The following ARID1B variants were observed in gnomAD, a reference collection of about 807,000 sequenced individuals.
ARID1B encodes AT-rich interactive domain-containing protein 1B.
A neutral mutation model predicts 212.3 loss-of-function variants in ARID1B; 30 were observed. The observed-to-expected ratio is 0.14, with a 90% CI of 0.11 to 0.19. ARID1B has a LOEUF of 0.19. Among genes scored for constraint, ARID1B ranks in the 10% least tolerant of loss-of-function variants. The pLI, the probability that ARID1B is intolerant of heterozygous loss-of-function variation, is 1.00. For synonymous variants in ARID1B, 1,402 were observed against 1,301.7 expected (o/e 1.08, Z -1.66); for missense variants, 2,891 against 3,204.0 (o/e 0.90, Z 2.36).
rs113200831 is a variant in ARID1B at position 156,908,970 on chromosome 6, A to G, written c.2136+7445A>G. On this transcript the variant is annotated intron_variant, in intron 3 of 19. Transcript: ENST00000636930. ...CCCTCACGTAGTTTTAATATTACCAATATTTTCCCATGTCTGCTGCCCTGT... is the reference window on the plus strand; with the variant it reads ...CCCTCACGTAGTTTTAATATTACCAGTATTTTCCCATGTCTGCTGCCCTGT... Among the ~76,000 whole-genome samples the G allele has an allele frequency of 3.5e-3, 536 of 152,020 alleles. 4 individuals carry two copies. Among genetic ancestry groups the G allele is most frequent in the African/African-American group, 0.011 (470 of 41,436 alleles).
intron 1 of ARID1B, among the ~76,000 whole-genome samples, chr6:156,792,219 A>C (rs999074729): frequency 2.0e-5 from 3 of 152,232 alleles, no homozygotes; most frequent in Admixed American, 6.5e-5. Flanking sequence ...CAGCATATCC[A>C]TAAGAGTTTT....
chr6:156,915,300 C>T (rs556076875), intron 3 of ARID1B, among the ~76,000 whole-genome samples: 14 of 152,308 alleles, frequency 9.2e-5, no homozygotes, highest in African/African-American at 3.1e-4. Flanking sequence ...GGCGCAGTGG[C>T]TCATGCCTGT....
At chr6:156,806,428 AC>A (rs1185917014) in intron 1 of ARID1B, among the ~76,000 whole-genome samples, 1 of 152,170 alleles carries the variant, frequency 6.6e-6, no homozygotes, top group African/African-American at 2.4e-5. Context: ...TCTTCTAAAA[AC>A]ACATTTCACA....
At chr6:156,940,710 T>TA (rs1792608971) in intron 4 of ARID1B, 1 of 152,256 alleles carries the variant, frequency 6.6e-6, no homozygotes, top group Admixed American at 6.5e-5. Context: ...AAAGGTCATG[T>TA]GTTTTGGAAG....
intron 2 of ARID1B, among the ~76,000 whole-genome samples, chr6:156,880,600 G>A (rs538399160): frequency 8.1e-4 from 123 of 151,876 alleles, no homozygotes; most frequent in African/African-American, 2.8e-3. Context: ...TTAGCTGGGC[G>A]TGGTGGCGCA....
chr6:157,164,739 A>G (rs566097766), intron 8 of ARID1B: 1 of 152,308 alleles, frequency 6.6e-6, no homozygotes, highest in Admixed American at 6.5e-5. Context: ...TTAACATACA[A>G]AAGAAAGAGG....
intron 15 of ARID1B, among the ~76,000 whole-genome samples, chr6:157,192,955 G>C (rs1417371838): frequency 6.6e-6 from 1 of 152,108 alleles, no homozygotes; most frequent in African/African-American, 2.4e-5. Context: ...GCTGCTGCTG[G>C]TGGTGTTAAC....
In ARID1B at chr6:157,200,836, G is replaced by C. The variant is rs749608995; in HGVS notation, c.4611G>C (p.Pro1537=). The C allele has an allele frequency of 8.1e-6, 13 of 1,614,072 alleles. No individual in the cohort carries two copies. Among genetic ancestry groups the C allele is most frequent in the Non-Finnish European group, 1.1e-5 (13 of 1,180,030 alleles). ...YNQYGGSYSG[P]DRRPIQGQYP... The stretch of plus-strand genomic sequence containing the variant: ...AGTATGGAGGCTCCTACTCGGGCCC[G>C]GACCGCAGGCCCATCCAGGGCCAGT... Residue 1537 remains proline (P), a synonymous_variant, in exon 18 of 20, where the codon CCG becomes CCC. Transcript: ENST00000636930. This position sits in a 1 kb window ranked among gnomAD's most constrained non-coding sequence, Gnocchi z 4.3.
intron 1 of ARID1B, among the ~76,000 whole-genome samples, chr6:156,825,097 T>G (rs780070327): frequency 6.6e-6 from 1 of 152,152 alleles, no homozygotes; most frequent in Non-Finnish European, 1.5e-5. Context: ...ACTCCTGAGC[T>G]CAGGCAATCC....
At chr6:157,121,706 A>C (rs1787733695) in intron 6 of ARID1B, among the ~76,000 whole-genome samples, 1 of 136,622 alleles carries the variant, frequency 7.3e-6, no homozygotes, top group Admixed American at 8.4e-5. Context: ...GTCTCTGCTC[A>C]CTGCAACCTC....
chr6:156,856,700 T>TCTCTCACACACA (rs1168465535), intron 2 of ARID1B, among the ~76,000 whole-genome samples: 2 of 114,648 alleles, frequency 1.7e-5, no homozygotes, highest in African/African-American at 6.9e-5. Flanking sequence ...TCTCTCTCTC[T>TCTCTCACACACA]CACACACACA....
At chr6:157,140,189 G>T (rs1177604084) in intron 7 of ARID1B, among the ~76,000 whole-genome samples, 5 of 152,044 alleles carry the variant, frequency 3.3e-5, no homozygotes, top group African/African-American at 1.2e-4. Flanking sequence ...CACTTTTTGG[G>T]CCAGGTGCAG....
At chr6:157,043,751 A>G (rs546440853) in intron 4 of ARID1B, among the ~76,000 whole-genome samples, 3 of 152,240 alleles carry the variant, frequency 2.0e-5, no homozygotes, top group East Asian at 3.9e-4. Context: ...GGCATTTCCT[A>G]TTTAAGCTCT....
At chr6:157,063,636 T>G (rs1783493859) in intron 4 of ARID1B, among the ~76,000 whole-genome samples, 1 of 152,222 alleles carries the variant, frequency 6.6e-6, no homozygotes, top group South Asian at 2.1e-4. Context: ...GTGTGTAAAA[T>G]ATAAAACTCA....
At chr6:156,896,844 A>T (rs767378851) in intron 2 of ARID1B, among the ~76,000 whole-genome samples, 1 of 152,156 alleles carries the variant, frequency 6.6e-6, no homozygotes, top group African/African-American at 2.4e-5. Flanking sequence ...GTGCCACTGC[A>T]CTCCAGCCTG....
At chr6:157,056,644 A>G (rs192443652) in intron 4 of ARID1B, among the ~76,000 whole-genome samples, 117 of 152,334 alleles carry the variant, frequency 7.7e-4, no homozygotes, top group Non-Finnish European at 1.2e-3. Context: ...TAGGCATGCA[A>G]ATAATAGAAA....
intron 19 of ARID1B, 187 bp downstream of exon 19, chr6:157,204,183 A>G: frequency 1.4e-6 from 1 of 712,148 alleles, no homozygotes; most frequent in South Asian, 1.8e-5. Flanking sequence ...TGTAGTCTTT[A>G]GTGTGTGTAC....
At chr6:157,119,524 C>T (rs80321777) in intron 6 of ARID1B, 1,823 of 153,940 alleles carry the variant, frequency 0.012, 39 homozygotes, top group African/African-American at 0.041. Flanking sequence ...AACACTTCTG[C>T]AGCCATCCCA....
At chr6:157,039,110 A>G (rs1781523590) in intron 4 of ARID1B, among the ~76,000 whole-genome samples, 1 of 151,882 alleles carries the variant, frequency 6.6e-6, no homozygotes, top group Admixed American at 6.6e-5. Context: ...GCCTCAAGTG[A>G]TCCCTGGTCT....
Sources: allele counts gnomAD v4.1 joint callset (sites outside exome capture counted in the v4.1 genomes callset), GRCh38; gene constraint gnomAD v4.1.1; non-coding constraint Gnocchi (gnomAD v3.1); transcripts MANE v1.5; gene names NCBI Gene and HGNC (gene_info 2026-07-23, HGNC 2026-07-21).